Variants in LRP1B observed in about 807,000 individuals in gnomAD.
LRP1B encodes low-density lipoprotein receptor-related protein 1B.
Under a neutral mutation model 556.6 loss-of-function variants are expected in LRP1B, and 217 were observed. That is an observed-to-expected ratio of 0.39 (90% confidence interval 0.35 to 0.44). The LOEUF is 0.44. Ranked by LOEUF, LRP1B falls within the 20% of genes least tolerant of loss-of-function variation. LRP1B has a pLI of 1.00. For missense variants in LRP1B, 5,053 were observed against 5,620.8 expected (o/e 0.90, Z 3.23); for synonymous variants, 2,047 against 1,865.8 (o/e 1.10, Z -2.50).
intron 32 of LRP1B, among the ~76,000 whole-genome samples, chr2:140,787,558 ATTTTTTTTTTT>A (rs756825067): frequency 4.5e-5 from 2 of 44,660 alleles, no homozygotes; most frequent in African/African-American, 1.1e-4. Flanking sequence ...AAAACAGAAG[ATTTTTTTTTTT>A]TTTTTTTTTT....
intron 1 of LRP1B, among the ~76,000 whole-genome samples, chr2:142,070,938 CTT>C (rs1255869074): frequency 2.6e-5 from 4 of 152,054 alleles, no homozygotes; most frequent in Non-Finnish European, 5.9e-5. Context: ...ACACTCATGT[CTT>C]GTCATGCATC....
At chr2:141,042,641 A>G (rs1698735625) in intron 11 of LRP1B, among the ~76,000 whole-genome samples, 1 of 152,086 alleles carries the variant, frequency 6.6e-6, no homozygotes, top group African/African-American at 2.4e-5. Context: ...TTTCCAATCT[A>G]TAAAATGGAG....
Position 140,442,632 on chromosome 2 carries a change from G to T in LRP1B, c.10295-9C>A, listed in dbSNP as rs765382633. 6.2e-7 allele frequency: 1 copy of T among 1,611,052 alleles called. No individual in the cohort carries two copies. On this transcript the variant is annotated splice_polypyrimidine_tract_variant and intron_variant, in intron 65 of 90. Transcript: ENST00000389484. ...AGAACAGCTGTTTTCAGCTTAGAAA[G>T]AAAACTGCCATTAAAATGTAGCTTT... is the stretch of plus-strand genomic sequence containing the variant.
chr2:141,301,322 C>G (rs1686388651), intron 3 of LRP1B, among the ~76,000 whole-genome samples: 1 of 152,080 alleles, frequency 6.6e-6, no homozygotes, highest in South Asian at 2.1e-4. Flanking sequence ...TGATCTCTTA[C>G]AAGTTATGGC....
intron 1 of LRP1B, among the ~76,000 whole-genome samples, chr2:141,990,760 A>C (rs1482249981): frequency 6.6e-6 from 1 of 152,078 alleles, no homozygotes; most frequent in Non-Finnish European, 1.5e-5. Context: ...CACATATTTG[A>C]TATTTTTAAG....
intron 77 of LRP1B, among the ~76,000 whole-genome samples, chr2:140,349,382 A>G (rs1681855144): frequency 6.6e-6 from 1 of 151,946 alleles, no homozygotes; most frequent in African/African-American, 2.4e-5. Flanking sequence ...AATTATCATT[A>G]TTAATGTCAT....
intron 41 of LRP1B, among the ~76,000 whole-genome samples, chr2:140,605,942 A>C (rs2105211779): frequency 6.6e-6 from 1 of 152,208 alleles, no homozygotes; most frequent in Admixed American, 6.6e-5. Context: ...CCAGGACCAA[A>C]GCAAACATGT....
chr2:141,251,911 G>T (rs406159), intron 4 of LRP1B, among the ~76,000 whole-genome samples: 32,684 of 151,944 alleles, frequency 0.22, 3,587 homozygotes, highest in South Asian at 0.25. Flanking sequence ...ATCCCTCAGA[G>T]TGTTCATGTG....
At chr2:141,743,933 A>G (rs1488123720) in intron 2 of LRP1B, among the ~76,000 whole-genome samples, 1 of 127,248 alleles carries the variant, frequency 7.9e-6, no homozygotes, top group Non-Finnish European at 1.7e-5. Context: ...AGTTTTGTTT[A>G]TTTTTCCAAT....
intron 2 of LRP1B, among the ~76,000 whole-genome samples, chr2:141,594,609 T>A (rs905946538): frequency 6.6e-6 from 1 of 152,062 alleles, no homozygotes; most frequent in Non-Finnish European, 1.5e-5. Flanking sequence ...AGAATGCAAA[T>A]ATAAAGTGAT....
chr2:141,548,026 G>A (rs1303598112), intron 2 of LRP1B, among the ~76,000 whole-genome samples: 1 of 152,154 alleles, frequency 6.6e-6, no homozygotes, highest in Non-Finnish European at 1.5e-5. Flanking sequence ...GATGATATTT[G>A]CTGTATGTCT....
intron 2 of LRP1B, among the ~76,000 whole-genome samples, chr2:141,694,927 T>C (rs529983523): frequency 6.6e-6 from 1 of 152,096 alleles, no homozygotes; most frequent in East Asian, 1.9e-4. Context: ...CTTTAGATAG[T>C]TTTTTCTTTT....
rs892575945 is a variant in LRP1B, at chr2:140,813,728, T to A, written c.5288A>T (p.Asp1763Val). ...CTCGATTACTTCTAAATTACCACCA[T>A]CCAGGTTGCATCTATTTATGGTTCC... is the stretch of plus-strand genomic sequence containing the variant. ...GNGTINRCNL[D>V]GGNLEVIESM... Residue 1763 changes from aspartate (D) to valine (V), a missense_variant, in exon 32 of 91, where the codon GAT becomes GTT. Physicochemically the swap from Asp to Val is radical, Grantham distance 152 (BLOSUM62 -3). Coordinates refer to ENST00000389484, the MANE Select transcript of LRP1B (RefSeq NM_018557.3). 12 of 1,611,284 alleles carry A rather than the reference T, an allele frequency of 7.4e-6. No homozygotes were observed.
intron 32 of LRP1B, among the ~76,000 whole-genome samples, chr2:140,786,551 CTCTT>C (rs1419079731): frequency 6.6e-6 from 1 of 152,178 alleles, no homozygotes; most frequent in African/African-American, 2.4e-5. Flanking sequence ...CTGGAAAAAT[CTCTT>C]TCTTGTGGCA....
At chr2:141,969,808 G>A (rs1701676277) in intron 1 of LRP1B, among the ~76,000 whole-genome samples, 4 of 151,440 alleles carry the variant, frequency 2.6e-5, no homozygotes. Flanking sequence ...TGGGATTTCT[G>A]TATCATATAA....
At position 141,991,067 on chromosome 2, in the gene LRP1B, G is replaced by A. The variant is rs371173300; in HGVS notation, c.82+139581C>T. Among the ~76,000 whole-genome samples the A allele has an allele frequency of 1.1e-4, 17 of 152,064 alleles. 1 individual carries two copies. In the East Asian group the frequency reaches 2.9e-3, roughly 26 times the overall value. On this transcript the variant is annotated intron_variant, in intron 1 of 90. Coordinates refer to ENST00000389484, the MANE Select transcript of LRP1B (RefSeq NM_018557.3). Reference sequence around the variant, plus strand: ...GATGGTTCATCATATCATACTGAAGGCTACAAATTATTTGTTCATTTGTAT... The same window carrying A: ...GATGGTTCATCATATCATACTGAAGACTACAAATTATTTGTTCATTTGTAT...
At chr2:140,291,594 A>G (rs1020793709) in intron 84 of LRP1B, among the ~76,000 whole-genome samples, 15 of 151,688 alleles carry the variant, frequency 9.9e-5, no homozygotes, top group African/African-American at 3.6e-4. Context: ...GTTTGCTGAG[A>G]ATGATGGTTT....
intron 41 of LRP1B, among the ~76,000 whole-genome samples, chr2:140,613,204 C>G (rs1193527250): frequency 6.8e-6 from 1 of 146,164 alleles, no homozygotes; most frequent in Non-Finnish European, 1.5e-5. Context: ...TGATGTGGCA[C>G]TAAATCCCTG....
At chr2:141,050,277 G>GT (rs1324439433) in intron 10 of LRP1B, among the ~76,000 whole-genome samples, 10 of 151,648 alleles carry the variant, frequency 6.6e-5, no homozygotes, top group Admixed American at 2.6e-4. Context: ...CTTTTCTTGT[G>GT]TTTTTTAAAT....
Sources: gnomAD v4.1 joint callset for allele counts (sites outside exome capture counted in the v4.1 genomes callset) on GRCh38, gnomAD v4.1.1 for gene constraint, MANE v1.5 for transcripts, NCBI Gene and HGNC (gene_info 2026-07-23, HGNC 2026-07-21) for gene names.